The following SMARCA2 variants were observed in gnomAD, a reference collection of about 807,000 sequenced individuals.
SMARCA2 encodes SWI/SNF related BAF chromatin remodeling complex subunit ATPase 2, also known as SWI/SNF-related matrix-associated actin-dependent regulator of chromatin subfamily A member 2.
A neutral mutation model predicts 199.8 loss-of-function variants in SMARCA2; 61 were observed. That is an observed-to-expected ratio of 0.31 (90% CI 0.25 to 0.38). The LOEUF is 0.38. Ranked by LOEUF, SMARCA2 falls within the 10% of genes least tolerant of loss-of-function variation. The probability of loss-of-function intolerance (pLI) is 1.00; values close to 1 mark genes in which losing one functional copy is unlikely to be tolerated. For missense variants in SMARCA2, 1,344 were observed against 2,012.2 expected, an observed-to-expected ratio of 0.67 and a Z score of 6.35; for synonymous variants, 935 against 732.0, an observed-to-expected ratio of 1.28 and a Z score of -4.48.
rs1263046429 is a variant in SMARCA2, at chr9:2,115,353, G to GTGTGT, written c.3457-469_3457-468insTGTGT. Among the ~76,000 whole-genome samples, 1 of 152,022 alleles carries GTGTGT rather than the reference G, an allele frequency of 6.6e-6. No individual in the cohort carries two copies. Among genetic ancestry groups the GTGTGT allele is most frequent in the Non-Finnish European group, 1.5e-5 (1 of 68,010 alleles). ...TCAGTGTGTGTGTATGTGTGTGTGT[G>GTGTGT]GTAAGATGTATGTATGTATAATACC... On this transcript the variant is annotated intron_variant, in intron 24 of 33. Transcript: ENST00000349721. This position sits in a 1 kb window ranked among gnomAD's most constrained non-coding sequence, Gnocchi z 6.0.
At position 2,086,987 on chromosome 9, in the gene SMARCA2, C is replaced by T; in HGVS notation, c.2685C>T (p.Leu895=). The T allele has an allele frequency of 6.2e-7, 1 of 1,614,182 alleles. No individual in the cohort carries two copies. Among genetic ancestry groups the T allele is most frequent in the Non-Finnish European group, 8.5e-7 (1 of 1,180,010 alleles). The change falls in exon 18 of 34, where the codon CTC becomes CTT. Residue 895 remains leucine (L), a synonymous_variant. Coordinates refer to ENST00000349721, the MANE Select transcript of SMARCA2 (RefSeq NM_003070.5). The surrounding 1 kb of genome is among the most constrained non-coding windows in gnomAD (Gnocchi z 4.3). ...QNKLPELWAL[L]NFLLPTIFKS... Reference sequence around the variant, plus strand: ...AGCTCCCTGAACTCTGGGCCCTCCTCAACTTCCTCCTCCCAACAATTTTTA... The same window carrying T: ...AGCTCCCTGAACTCTGGGCCCTCCTTAACTTCCTCCTCCCAACAATTTTTA...
At chr9:2,124,305 C>G (rs1026712254) in intron 27 of SMARCA2, among the ~76,000 whole-genome samples, 1 of 152,182 alleles carries the variant, frequency 6.6e-6, no homozygotes, top group Non-Finnish European at 1.5e-5. Flanking sequence ...TGGAAGGGCA[C>G]CTTAGAGATC....
At chr9:2,065,016 C>G (rs1820769927) in intron 9 of SMARCA2, among the ~76,000 whole-genome samples, 1 of 152,110 alleles carries the variant, frequency 6.6e-6, no homozygotes, top group East Asian at 1.9e-4. Flanking sequence ...AACCCCATCT[C>G]TACTAAAAAA....
In SMARCA2 at chr9:2,058,348, G is replaced by A; in HGVS notation, c.1405G>A (p.Val469Met). 6.2e-7 allele frequency: 1 copy of A among 1,614,180 alleles called. No individual in the cohort carries two copies. The change falls in exon 8 of 34, where the codon GTG becomes ATG. Residue 469 changes from valine to methionine, a missense_variant. Val to Met is a conservative substitution (Grantham distance 21, BLOSUM62 1). Coordinates refer to ENST00000349721, the MANE Select transcript of SMARCA2 (RefSeq NM_003070.5). ...AGATTTTAAGGAATATCATCGGTCTGTGGCCGGAAAGATCCAGAAGCTCTC... is the reference window on the plus strand; with the variant it reads ...AGATTTTAAGGAATATCATCGGTCTATGGCCGGAAAGATCCAGAAGCTCTC... ...AKDFKEYHRS[V>M]AGKIQKLSKA...
intron 5 of SMARCA2, among the ~76,000 whole-genome samples, chr9:2,051,606 C>G (rs898219756): frequency 2.6e-5 from 4 of 152,182 alleles, no homozygotes; most frequent in African/African-American, 9.7e-5. Context: ...AGGAATTCCT[C>G]TAATTTGGCA....
intron 28 of SMARCA2, among the ~76,000 whole-genome samples, chr9:2,164,720 G>T (rs2129664821): frequency 6.6e-6 from 1 of 152,298 alleles, no homozygotes; most frequent in Non-Finnish European, 1.5e-5. Flanking sequence ...TGTACTGTAG[G>T]TAAAGGGTAT....
At chr9:2,139,656 G>A (rs928885272) in intron 27 of SMARCA2, among the ~76,000 whole-genome samples, 7 of 151,902 alleles carry the variant, frequency 4.6e-5, no homozygotes, top group African/African-American at 1.2e-4. Context: ...CAATATAGTC[G>A]CTACTCCAGG....
intron 19 of SMARCA2, among the ~76,000 whole-genome samples, chr9:2,091,655 A>C (rs1822067756): frequency 3.9e-5 from 6 of 152,216 alleles, no homozygotes; most frequent in Admixed American, 3.9e-4. Flanking sequence ...CAGTGTATAC[A>C]TAGATTTGTA....
chr9:2,103,688 G>A (rs1331680182), intron 22 of SMARCA2, among the ~76,000 whole-genome samples: 1 of 151,424 alleles, frequency 6.6e-6, no homozygotes, highest in East Asian at 1.9e-4. Context: ...GAGAGAGAGG[G>A]CGAGGAGAAA....
In SMARCA2 at chr9:2,050,298, T is replaced by G. The variant is rs72687583; in HGVS notation, c.1046+2814T>G. 6.0e-3 allele frequency among the ~76,000 whole-genome samples: 918 copies of G among 152,290 alleles called. 6 individuals carry two copies. Among genetic ancestry groups the G allele is most frequent in the Non-Finnish European group, 0.011 (746 of 68,018 alleles). On this transcript the variant is annotated intron_variant, in intron 5 of 33. Coordinates refer to ENST00000349721, the MANE Select transcript of SMARCA2 (RefSeq NM_003070.5). ...AACTTTATTACTTCCATAGTAAGTGTCAGAGAGATGTTTCCCTGTACTGCT... is the reference window on the plus strand; with the variant it reads ...AACTTTATTACTTCCATAGTAAGTGGCAGAGAGATGTTTCCCTGTACTGCT...
intron 23 of SMARCA2, among the ~76,000 whole-genome samples, chr9:2,108,107 C>T (rs776829397): frequency 2.6e-5 from 4 of 152,164 alleles, no homozygotes; most frequent in East Asian, 1.9e-4. Flanking sequence ...GCAGAGTCAG[C>T]ATGATCTGAT....
chr9:2,160,012 G>T (rs973367262), intron 27 of SMARCA2: 10 of 1,485,264 alleles, frequency 6.7e-6, no homozygotes, highest in Admixed American at 4.0e-5. Context: ...CCGTATTTCT[G>T]TGTGCAACTG....
chr9:2,166,294 G>A, intron 28 of SMARCA2, among the ~76,000 whole-genome samples: 1 of 152,014 alleles, frequency 6.6e-6, no homozygotes, highest in Non-Finnish European at 1.5e-5. Flanking sequence ...TTAATTACAG[G>A]GTGGTTAGCT....
intron 5 of SMARCA2, among the ~76,000 whole-genome samples, chr9:2,049,212 C>T (rs965679732): frequency 3.9e-5 from 6 of 152,130 alleles, no homozygotes; most frequent in South Asian, 2.1e-4. Context: ...TGTGTGTGTG[C>T]ACAAGTGTGT....
At chr9:2,096,461 C>A in intron 19 of SMARCA2, 196 bp from the exon 20 acceptor site, 1 of 481,938 alleles carries the variant, frequency 2.1e-6, no homozygotes, top group African/African-American at 1.9e-5. Flanking sequence ...GAAGGCCCCC[C>A]CATCATAATG....
intron 27 of SMARCA2, among the ~76,000 whole-genome samples, chr9:2,157,162 T>TTAAA: frequency 6.6e-6 from 1 of 152,232 alleles, no homozygotes; most frequent in Non-Finnish European, 1.5e-5. Context: ...AATATTTATA[T>TTAAA]TGTAAGAAAA....
chr9:2,115,506 T>A lies in SMARCA2; in HGVS notation c.3457-316T>A, dbSNP rs1323342736. Among the ~76,000 whole-genome samples the A allele has an allele frequency of 6.6e-6, 1 of 152,200 alleles. No homozygotes were observed. The highest frequency in any genetic ancestry group is 1.5e-5 in the Non-Finnish European group (1 of 68,032). ...TCATAATTCTGACATTGGACATTGG[T>A]GTCTTGTTTAATGTTTTAGATATGG... On this transcript the variant is annotated intron_variant, in intron 24 of 33. Transcript: ENST00000349721. The surrounding 1 kb of genome is among the most constrained non-coding windows in gnomAD (Gnocchi z 6.0).
Position 2,061,787 on chromosome 9 carries a change from C to G in SMARCA2, c.1692+801C>G, listed in dbSNP as rs1820604319. ...AGCATTTAATCATTCATTCTGTATA[C>G]TGAATAAGTGAACAAAATGCTTTTC... On this transcript the variant is annotated intron_variant, in intron 9 of 33. Coordinates refer to ENST00000349721, the MANE Select transcript of SMARCA2 (RefSeq NM_003070.5). Among the ~76,000 whole-genome samples, 3 of 152,260 alleles carry G rather than the reference C, an allele frequency of 2.0e-5. No individual in the cohort carries two copies. The South Asian group carries it at 6.2e-4, about 32-fold the overall frequency.
intron 27 of SMARCA2, among the ~76,000 whole-genome samples, chr9:2,152,566 A>G (rs1488817642): frequency 1.3e-5 from 2 of 151,176 alleles, no homozygotes; most frequent in African/African-American, 4.9e-5. Context: ...AATTTAAAAA[A>G]TAAGGTCGGG....
Sources: gnomAD v4.1 joint callset for allele counts (sites outside exome capture counted in the v4.1 genomes callset) on GRCh38, gnomAD v4.1.1 for gene constraint, Gnocchi (gnomAD v3.1) non-coding constraint, MANE v1.5 for transcripts, NCBI Gene and HGNC (gene_info 2026-07-23, HGNC 2026-07-21) for gene names.